The following GRIA3 variants were observed in gnomAD, a reference collection of about 807,000 sequenced individuals.
The protein encoded by GRIA3 is glutamate receptor 3.
A neutral mutation model predicts 63.0 loss-of-function variants in GRIA3; 3 were observed. The ratio of observed to expected loss-of-function variants is 0.05; its 90% CI spans 0.02 to 0.12. The LOEUF is 0.12. Among genes scored for constraint, GRIA3 ranks in the 10% least tolerant of loss-of-function variants. GRIA3 has a pLI of 1.00. For missense variants in GRIA3, 347 were observed against 700.9 expected (o/e 0.50, Z 5.70); for synonymous variants, 274 against 257.9 (o/e 1.06, Z -0.60).
rs985547409 is a variant in GRIA3 at position 123,354,423 on chromosome X, T to C, written c.697-487T>C. ...AAGGAAGATAATTATTTTAGAAAAG[T>C]TTTCAATAAGCAAAAGCAACCTCGG... On this transcript the variant is annotated intron_variant, in intron 4 of 15. Transcript: ENST00000620443. Among the ~76,000 whole-genome samples the C allele has an allele frequency of 4.5e-5, 5 of 111,923 alleles. No homozygotes were observed. In the Admixed American group the frequency reaches 4.7e-4, roughly 11 times the overall value.
intron 4 of GRIA3, among the ~76,000 whole-genome samples, chrX:123,327,279 GA>G (rs2044911916): frequency 8.9e-6 from 1 of 111,925 alleles, no homozygotes; most frequent in South Asian, 3.7e-4. Context: ...AAAAATATTA[GA>G]AGAAATGTTT....
chrX:123,200,608 T>TACACACACACACACACACACAC (rs200626306), intron 2 of GRIA3, among the ~76,000 whole-genome samples: 13 of 76,392 alleles, frequency 1.7e-4, no homozygotes, highest in African/African-American at 5.3e-4. Context: ...CACACATACA[T>TACACACACACACACACACACAC]ACACACACAC....
chrX:123,261,644 T>C (rs373726440), intron 3 of GRIA3, among the ~76,000 whole-genome samples: 3 of 111,160 alleles, frequency 2.7e-5, no homozygotes, highest in East Asian at 2.8e-4. Context: ...CCCACCCCTA[T>C]AGAAGGACAA....
Position 123,260,467 on chromosome X carries a change from A to AG in GRIA3, c.508+6926dup, listed in dbSNP as rs200849390. Among the ~76,000 whole-genome samples, 34 of 5,614 alleles carry AG rather than the reference A, an allele frequency of 6.1e-3. 2 individuals are homozygous for AG. Among genetic ancestry groups the AG allele is most frequent in the Non-Finnish European group, 0.011 (24 of 2,177 alleles). The allele number at this position is 5,614 out of a possible 115,157, so 4.9% of individuals were successfully genotyped here. The stretch of plus-strand genomic sequence containing the variant: ...AAGAAAGAAAGAAAGAAAGGAAGGA[A>AG]GAAGAAAGGAAAGAAAGAAAGAAAG... On this transcript the variant is annotated intron_variant, in intron 3 of 15. Transcript: ENST00000620443.
intron 2 of GRIA3, among the ~76,000 whole-genome samples, chrX:123,251,722 C>A (rs1251814074): frequency 8.9e-6 from 1 of 111,857 alleles, no homozygotes; most frequent in Non-Finnish European, 1.9e-5. Context: ...GCGTGAGCCA[C>A]CGCGACGGGA....
rs1220288787 is a variant in GRIA3, at chrX:123,288,135, T to C, written c.508+34593T>C. ...CACACATCTACAACCATCTGATCTT[T>C]GACAAACCTGAGAAAAACAAGCAAT... On this transcript the variant is annotated intron_variant, in intron 3 of 15. Transcript: ENST00000620443. Among the ~76,000 whole-genome samples, 4 of 112,444 alleles carry C rather than the reference T, an allele frequency of 3.6e-5. No homozygotes were observed. In the South Asian group the frequency reaches 1.1e-3, roughly 30 times the overall value.
At chrX:123,217,257 C>T (rs1458706082) in intron 2 of GRIA3, among the ~76,000 whole-genome samples, 2 of 111,119 alleles carry the variant, frequency 1.8e-5, no homozygotes, top group African/African-American at 6.6e-5. Context: ...AAAGCCCAGC[C>T]AGTCCCCAGA....
chrX:123,288,021 C>T (rs2044631686), intron 3 of GRIA3, among the ~76,000 whole-genome samples: 1 of 112,113 alleles, frequency 8.9e-6, no homozygotes, highest in Non-Finnish European at 1.9e-5. Flanking sequence ...AACTTTACTA[C>T]AAGGCTGCAG....
intron 3 of GRIA3, among the ~76,000 whole-genome samples, chrX:123,267,306 A>G (rs2044493889): frequency 9.0e-6 from 1 of 111,070 alleles, no homozygotes; most frequent in Admixed American, 9.6e-5. Flanking sequence ...TTTTGACCCA[A>G]TCTCCCTACC....
At chrX:123,314,924 T>C (rs1172795690) in intron 3 of GRIA3, among the ~76,000 whole-genome samples, 1 of 112,081 alleles carries the variant, frequency 8.9e-6, no homozygotes, top group East Asian at 2.8e-4. Flanking sequence ...AATTTGCCCC[T>C]GTATTGTAAG....
chrX:123,283,651 C>A (rs2147301684), intron 3 of GRIA3, among the ~76,000 whole-genome samples: 1 of 111,970 alleles, frequency 8.9e-6, no homozygotes, highest in African/African-American at 3.2e-5. Context: ...CTCGGCAGAG[C>A]CCACTGCAGC....
chrX:123,390,138 C>T (rs916584476), intron 5 of GRIA3, among the ~76,000 whole-genome samples: 2 of 112,035 alleles, frequency 1.8e-5, no homozygotes, highest in African/African-American at 3.2e-5. Flanking sequence ...CTTTCTTCCT[C>T]TCTTACTGCT....
At chrX:123,205,104 A>G (rs1927850409) in intron 2 of GRIA3, among the ~76,000 whole-genome samples, 1 of 111,670 alleles carries the variant, frequency 9.0e-6, no homozygotes, top group South Asian at 3.7e-4. Context: ...ATACATAATA[A>G]GGTAGGTCAG....
chrX:123,306,456 A>AG (rs2044755613), intron 3 of GRIA3, among the ~76,000 whole-genome samples: 1 of 112,052 alleles, frequency 8.9e-6, no homozygotes, highest in African/African-American at 3.2e-5. Context: ...CATGTTCTAC[A>AG]TTGGAAGCAG....
At chrX:123,358,072 C>CAGAG (rs767778687) in intron 5 of GRIA3, among the ~76,000 whole-genome samples, 1 of 107,718 alleles carries the variant, frequency 9.3e-6, no homozygotes, top group Non-Finnish European at 1.9e-5. Flanking sequence ...CAAAGACAGA[C>CAGAG]AGAGAGAGAG....
intron 10 of GRIA3, among the ~76,000 whole-genome samples, chrX:123,405,598 A>G (rs956311036): frequency 3.6e-5 from 4 of 111,749 alleles, no homozygotes; most frequent in Non-Finnish European, 7.5e-5. Context: ...TTCCAGCTAT[A>G]GAAAAGTAAG....
chrX:123,261,375 T>C (rs1262346684), intron 3 of GRIA3, among the ~76,000 whole-genome samples: 1 of 111,757 alleles, frequency 8.9e-6, no homozygotes, highest in Non-Finnish European at 1.9e-5. Context: ...TTTACTGTAA[T>C]ATTTCCAGCT....
In GRIA3 at chrX:123,463,714, A is replaced by AG. The variant is rs1569440948; in HGVS notation, c.2077-1151_2077-1150insG. ...AGAAAGAAAGAAAAAGAAAGAAAGA[A>AG]AGAAAGAAAGAGAAAGAAGAGAGAG... On this transcript the variant is annotated intron_variant, in intron 12 of 15. Transcript: ENST00000620443. 5.8e-5 allele frequency among the ~76,000 whole-genome samples: 6 copies of AG among 102,587 alleles called. 1 individual carries two copies. Among genetic ancestry groups the AG allele is most frequent in the African/African-American group, 2.0e-4 (5 of 25,071 alleles). 89.1% of individuals were successfully genotyped at this position (102,587 alleles called of 115,157 possible). A position where few individuals can be genotyped will look rare whatever the true frequency, so the allele number is the denominator to read the frequency against.
chrX:123,377,198 A>G (rs1237686946), intron 5 of GRIA3, among the ~76,000 whole-genome samples: 1 of 110,730 alleles, frequency 9.0e-6, no homozygotes, highest in Admixed American at 9.5e-5. Flanking sequence ...GGCCTCCCAA[A>G]GTGCTGGTAG....
Sources: allele counts gnomAD v4.1 joint callset (sites outside exome capture counted in the v4.1 genomes callset), GRCh38; gene constraint gnomAD v4.1.1; transcripts MANE v1.5; gene names NCBI Gene and HGNC (gene_info 2026-07-23, HGNC 2026-07-21).